Variants in COL27A1 observed in about 807,000 individuals in gnomAD.
COL27A1 encodes collagen type XXVII alpha 1 chain.
A neutral mutation model predicts 251.3 loss-of-function variants in COL27A1; 106 were observed. That is an observed-to-expected ratio of 0.42 (90% CI 0.36 to 0.50). COL27A1 has a LOEUF of 0.50. Among genes scored for constraint, COL27A1 ranks in the 20% least tolerant of loss-of-function variants. The pLI is 0.00. For synonymous variants in COL27A1, 1,000 were observed against 986.3 expected, an observed-to-expected ratio of 1.01 and a Z score of -0.26; for missense variants, 2,325 against 2,522.8, an observed-to-expected ratio of 0.92 and a Z score of 1.68.
intron 49 of COL27A1, among the ~76,000 whole-genome samples, chr9:114,293,077 A>G (rs564031498): frequency 2.2e-4 from 34 of 152,382 alleles, no homozygotes; most frequent in African/African-American, 7.9e-4. Context: ...CTTGAACTGC[A>G]TTATCAACCA....
chr9:114,290,849 C>A lies in COL27A1; in HGVS notation c.4408C>A (p.Pro1470Thr), dbSNP rs1159971312. ...CGATGGGGACCCTGGCCCCATGGGC[C>A]CTGCTGGGAAGAGAGGAAATCCAGG... ...GDDGDPGPMGPAGKRGNPGVA... is the reference protein window; with the variant it reads ...GDDGDPGPMGTAGKRGNPGVA... Residue 1470 changes from proline (P) to threonine (T), a missense_variant, in exon 48 of 61, where the codon CCT (proline) becomes ACT (threonine). Pro to Thr is a conservative substitution (Grantham distance 38). Transcript: ENST00000356083. This position sits in a 1 kb window ranked among gnomAD's most constrained non-coding sequence, Gnocchi z 4.6. 1.3e-6 allele frequency: 2 copies of A among 1,551,606 alleles called. No homozygotes were observed. Among genetic ancestry groups the A allele is most frequent in the East Asian group, 2.4e-5 (1 of 41,070 alleles).
rs1588878559 is a variant in COL27A1, at chr9:114,288,946, G to T, written c.4131G>T (p.Lys1377Asn). The change falls in exon 44 of 61, where the codon AAG becomes AAT. Residue 1377 changes from lysine to asparagine, a missense_variant. Lys to Asn is a moderately conservative substitution (Grantham distance 94, BLOSUM62 0). This residue lies in a region of COL27A1 where 662 missense variants were observed against 795.3 expected (regional missense o/e 0.83). Transcript: ENST00000356083. ...AGGGTGTGCAAGGCCTCCGTGGAAA[G>T]CCAGGCCAGCAGGGCCAACCCGTGA... ...GQEGVQGLRG[K>N]PGQQGQPGHP... The T allele has an allele frequency of 6.2e-7, 1 of 1,613,598 alleles. No individual in the cohort carries two copies. Among genetic ancestry groups the T allele is most frequent in the Non-Finnish European group, 8.5e-7 (1 of 1,180,006 alleles).
chr9:114,188,291 G>A (rs1306396091), intron 5 of COL27A1, among the ~76,000 whole-genome samples: 3 of 152,210 alleles, frequency 2.0e-5, no homozygotes, highest in African/African-American at 4.8e-5. Context: ...ATGGAAAGGG[G>A]CAGTCACTTT....
At position 114,306,552 on chromosome 9, in the gene COL27A1, C is replaced by A. The variant is rs756696690; in HGVS notation, c.4971C>A (p.Asp1657Glu). The A allele has an allele frequency of 1.0e-4, 162 of 1,613,868 alleles. No individual in the cohort carries two copies. Among genetic ancestry groups the A allele is most frequent in the Non-Finnish European group, 1.2e-4 (147 of 1,180,050 alleles). The change falls in exon 58 of 61, where the codon GAC becomes GAA. Residue 1657 changes from aspartate (D) to glutamate (E), a missense_variant. Asp to Glu is a conservative substitution (Grantham distance 45). Coordinates refer to ENST00000356083, the MANE Select transcript of COL27A1 (RefSeq NM_032888.4). ...SYSYPDRLVL[D>E]QGGEIFKTLH... The stretch of plus-strand genomic sequence containing the variant: ...GCTATCCAGACCGGCTGGTGCTGGA[C>A]CAGGGAGGAGAGATCTTTAAAACCT...
chr9:114,224,021 A>G (rs535452030), intron 14 of COL27A1, among the ~76,000 whole-genome samples: 2 of 152,320 alleles, frequency 1.3e-5, no homozygotes, highest in Admixed American at 1.3e-4. Context: ...GCTGCAATTG[A>G]TAAGTGATGT....
chr9:114,235,676 C>CCCCCTG (rs776114075), intron 17 of COL27A1, 24 bp downstream of exon 17: 113 of 1,585,046 alleles, frequency 7.1e-5, no homozygotes, highest in East Asian at 8.9e-5. Flanking sequence ...ATTTTCCCCT[C>CCCCCTG]CCCCTGCCCC....
At chr9:114,182,940 A>G in intron 4 of COL27A1, 82 bp from the exon 5 acceptor site, 1 of 1,161,356 alleles carries the variant, frequency 8.6e-7, no homozygotes. Context: ...GGTGGAGGGA[A>G]GGTGCCAGGC....
intron 57 of COL27A1, among the ~76,000 whole-genome samples, chr9:114,306,042 A>C (rs1829015509): frequency 6.6e-6 from 1 of 151,414 alleles, no homozygotes. Flanking sequence ...TCTGAGCTGA[A>C]GTCCTCCTCC....
intron 7 of COL27A1, among the ~76,000 whole-genome samples, chr9:114,196,386 C>A (rs534554309): frequency 6.6e-6 from 1 of 152,156 alleles, no homozygotes; most frequent in Non-Finnish European, 1.5e-5. Context: ...CGTGGGCCTG[C>A]GAGTCCTGTC....
At position 114,169,409 on chromosome 9, in the gene COL27A1, G is replaced by T. The variant is rs114789352; in HGVS notation, c.1854G>T (p.Thr618=). The T allele has an allele frequency of 1.8e-5, 28 of 1,593,402 alleles. No homozygotes were observed. The highest frequency in any genetic ancestry group is 2.4e-5 in the Non-Finnish European group (28 of 1,171,312). Residue 618 remains threonine (T), a synonymous_variant, in exon 3 of 61, where the codon ACG becomes ACT. Coordinates refer to ENST00000356083, the MANE Select transcript of COL27A1 (RefSeq NM_032888.4). ...CGATCTTCCACCTGGCAGGATCTAC[G>T]CCTTTCCCTCTGCTGATGGGGCCTC... is the stretch of plus-strand genomic sequence containing the variant. ...GYSIFHLAGS[T]PFPLLMGPPG...
intron 27 of COL27A1, 151 bp from the exon 28 acceptor site, chr9:114,258,390 T>G (rs1457279558): frequency 1.5e-6 from 1 of 666,792 alleles, no homozygotes; most frequent in African/African-American, 1.8e-5. Flanking sequence ...TGCCCAGTCC[T>G]TCCATGTGGA....
intron 19 of COL27A1, among the ~76,000 whole-genome samples, chr9:114,238,035 A>G (rs1477423173): frequency 6.6e-6 from 1 of 152,096 alleles, no homozygotes; most frequent in Non-Finnish European, 1.5e-5. Context: ...AGCTTCCCAC[A>G]TTCTCCACTC....
Position 114,288,726 on chromosome 9 carries a change from C to G in COL27A1, c.4069C>G (p.Arg1357Gly). 2 of 1,610,554 alleles carry G rather than the reference C, an allele frequency of 1.2e-6. No individual in the cohort carries two copies. The highest frequency in any genetic ancestry group is 1.1e-5 in the South Asian group (1 of 90,964). The change falls in exon 43 of 61, where the codon CGC becomes GGC. Residue 1357 changes from arginine (R) to glycine (G), a missense_variant. Around this residue, in one of 4 missense-constraint regions of COL27A1, gnomAD observed 662 missense variants for 795.3 expected, o/e 0.83. Coordinates refer to ENST00000356083, the MANE Select transcript of COL27A1 (RefSeq NM_032888.4). ...DRGPVGDRGDRGEPGDPGYPG... is the reference protein window; with the variant it reads ...DRGPVGDRGDGGEPGDPGYPG... Reference sequence around the variant, plus strand: ...GGGCCCTGTGGGTGATCGAGGAGACCGCGGGGAACCGGGAGACCCTGGGTA... The same window carrying G: ...GGGCCCTGTGGGTGATCGAGGAGACGGCGGGGAACCGGGAGACCCTGGGTA...
chr9:114,158,943 C>T (rs1848309128), intron 1 of COL27A1, among the ~76,000 whole-genome samples: 1 of 152,206 alleles, frequency 6.6e-6, no homozygotes, highest in Non-Finnish European at 1.5e-5. Context: ...AACTTGCCCT[C>T]TCTGGGCCTC....
At chr9:114,200,322 C>T (rs1220533280) in intron 7 of COL27A1, among the ~76,000 whole-genome samples, 1 of 152,214 alleles carries the variant, frequency 6.6e-6, no homozygotes, top group Non-Finnish European at 1.5e-5. Flanking sequence ...ACAATGTCAC[C>T]TCCTCTGGCT....
chr9:114,158,009 G>T (rs1186170618), intron 1 of COL27A1, among the ~76,000 whole-genome samples: 3 of 152,174 alleles, frequency 2.0e-5, no homozygotes, highest in Admixed American at 2.0e-4. Context: ...AAAGTTCTGG[G>T]CTGCATCCTC....
chr9:114,255,778 C>T (rs1833877268), intron 27 of COL27A1, among the ~76,000 whole-genome samples: 2 of 152,158 alleles, frequency 1.3e-5, no homozygotes, highest in Non-Finnish European at 1.5e-5. Context: ...TCCTGGCCAG[C>T]GACACTGGGG....
At chr9:114,157,106 A>ACACACACACACGCG (rs142812937) in intron 1 of COL27A1, among the ~76,000 whole-genome samples, 5 of 147,946 alleles carry the variant, frequency 3.4e-5, no homozygotes, top group Admixed American at 2.0e-4. Context: ...ACACACACAT[A>ACACACACACACGCG]CGCGCGCGCG....
intron 27 of COL27A1, among the ~76,000 whole-genome samples, chr9:114,255,174 G>A (rs558231452): frequency 1.3e-5 from 2 of 152,346 alleles, no homozygotes; most frequent in South Asian, 4.1e-4. Context: ...CCCAGGGCTG[G>A]AGGAGCTGGC....
Sources: gnomAD v4.1 joint callset for allele counts (sites outside exome capture counted in the v4.1 genomes callset) on GRCh38, gnomAD v4.1.1 for gene constraint, gnomAD v4.1.1 regional missense constraint, Gnocchi (gnomAD v3.1) non-coding constraint, MANE v1.5 for transcripts, NCBI Gene and HGNC (gene_info 2026-07-23, HGNC 2026-07-21) for gene names.